The following SEM1 variants were observed in gnomAD, a reference collection of about 807,000 sequenced individuals.
SEM1 encodes the protein 26S proteasome complex subunit SEM1.
SEM1 carries 3 observed loss-of-function variants against 12.7 expected under a neutral mutation model. That is an observed-to-expected ratio of 0.24 (90% CI 0.11 to 0.61). The LOEUF (loss-of-function observed/expected upper bound fraction) is 0.61. Among genes scored for constraint, SEM1 ranks in the 20% least tolerant of loss-of-function variants. The pLI is 0.88. For missense variants in SEM1, 59 were observed against 81.3 expected, an observed-to-expected ratio of 0.73 and a Z score of 1.06; for synonymous variants, 30 against 27.8, an observed-to-expected ratio of 1.08 and a Z score of -0.25.
chr7:96,636,154 A>G (rs932037448), intron 2 of SEM1, among the ~76,000 whole-genome samples: 1 of 152,024 alleles, frequency 6.6e-6, no homozygotes, highest in Non-Finnish European at 1.5e-5. Flanking sequence ...TCAGGTTCCT[A>G]CCATCTGGAA....
intron 2 of SEM1, among the ~76,000 whole-genome samples, chr7:96,517,750 T>C (rs1421559405): frequency 6.6e-6 from 1 of 152,178 alleles, no homozygotes; most frequent in Non-Finnish European, 1.5e-5. Context: ...GTCTGTTAAA[T>C]ATGTGGCATA....
chr7:96,497,164 G>T (rs188909840), upstream of SEM1, among the ~76,000 whole-genome samples: 229 of 151,918 alleles, frequency 1.5e-3, no homozygotes, highest in African/African-American at 4.7e-3. Flanking sequence ...AACTTCATAG[G>T]TTGTTAAATT....
chr7:96,542,024 G>A (rs1175671256), intron 2 of SEM1, among the ~76,000 whole-genome samples: 4 of 143,300 alleles, frequency 2.8e-5, no homozygotes, highest in Non-Finnish European at 6.0e-5. Flanking sequence ...GTTGAGTAAC[G>A]TGATACCTCT....
chr7:96,565,825 A>G (rs1300771704), intron 2 of SEM1, among the ~76,000 whole-genome samples: 1 of 151,956 alleles, frequency 6.6e-6, no homozygotes, highest in Non-Finnish European at 1.5e-5. Flanking sequence ...AACAGTGCAG[A>G]GAATAAAAAT....
Position 96,610,083 on chromosome 7 carries a change from A to G in SEM1, c.170+84715T>C, listed in dbSNP as rs943068642. ...TAGTCTCTCCCCACTGAGGGAAACC[A>G]TAAGTTATAAATTCCAGCAGGTTTT... On this transcript the variant is annotated intron_variant and NMD_transcript_variant, in intron 2 of 3. Transcript: ENST00000466986. Among the ~76,000 whole-genome samples the G allele has an allele frequency of 3.3e-5, 5 of 151,328 alleles. No individual in the cohort carries two copies. In the East Asian group the frequency reaches 7.7e-4, roughly 23 times the overall value.
chr7:96,688,998 A>T, intron 2 of SEM1, 32 bp from the exon 3 acceptor site: 1 of 1,299,304 alleles, frequency 7.7e-7, no homozygotes, highest in Non-Finnish European at 1.1e-6. Context: ...ATCACTAGGT[A>T]TTCTTTATAA....
At chr7:96,486,479 G>T in intron 1 of SEM1, 10 of 1,353,356 alleles carry the variant, frequency 7.4e-6, no homozygotes, top group Non-Finnish European at 1.0e-5. Context: ...TGAGGAGGCG[G>T]GCACCTGTTC....
intron 2 of SEM1, among the ~76,000 whole-genome samples, chr7:96,690,428 A>C (rs1170434353): frequency 6.6e-6 from 1 of 152,170 alleles, no homozygotes; most frequent in African/African-American, 2.4e-5. Flanking sequence ...TATCAGCTAA[A>C]TTCTTAGAAA....
At chr7:96,701,143 G>A (rs998599393) in intron 1 of SEM1, among the ~76,000 whole-genome samples, 2 of 151,964 alleles carry the variant, frequency 1.3e-5, no homozygotes, top group African/African-American at 2.4e-5. Flanking sequence ...TTAGAGGGGA[G>A]AGAAAAAAGG....
At chr7:96,501,542 T>C (rs925174434) in intron 3 of SEM1, among the ~76,000 whole-genome samples, 8 of 152,144 alleles carry the variant, frequency 5.3e-5, no homozygotes, top group Admixed American at 2.6e-4. Flanking sequence ...AGTACATGCC[T>C]TAATGTTAGG....
upstream of SEM1, among the ~76,000 whole-genome samples, chr7:96,497,880 T>A (rs1803354239): frequency 6.6e-6 from 1 of 152,092 alleles, no homozygotes; most frequent in African/African-American, 2.4e-5. Flanking sequence ...CTTCAAACAC[T>A]TATTATATTC....
At chr7:96,619,927 G>T (rs1807837488), downstream of SEM1, among the ~76,000 whole-genome samples, 1 of 152,120 alleles carries the variant, frequency 6.6e-6, no homozygotes, top group Non-Finnish European at 1.5e-5. Context: ...TGGTACCTTC[G>T]TCTTGCAACC....
intron 2 of SEM1, among the ~76,000 whole-genome samples, chr7:96,559,593 T>C (rs893478517): frequency 8.5e-5 from 13 of 152,220 alleles, no homozygotes; most frequent in African/African-American, 3.1e-4. Context: ...TATTAAAACA[T>C]GTTTTGTTTT....
At chr7:96,642,665 C>T (rs1293034655) in intron 2 of SEM1, among the ~76,000 whole-genome samples, 1 of 151,910 alleles carries the variant, frequency 6.6e-6, no homozygotes, top group African/African-American at 2.4e-5. Context: ...TCAGATTCAT[C>T]TACTTGTATA....
chr7:96,670,241 C>T (rs1246361193), downstream of SEM1, among the ~76,000 whole-genome samples: 1 of 152,032 alleles, frequency 6.6e-6, no homozygotes, highest in African/African-American at 2.4e-5. Flanking sequence ...TATTCTAACT[C>T]ATTAAATTAG....
In SEM1 at chr7:96,592,559, C is replaced by T. The variant is rs113404148; in HGVS notation, c.171-85861G>A. 1.3e-4 allele frequency among the ~76,000 whole-genome samples: 20 copies of T among 151,740 alleles called. 1 individual carries two copies. Among genetic ancestry groups the T allele is most frequent in the African/African-American group, 4.3e-4 (18 of 41,384 alleles). ...GCACGGAGAATGCATTTTTCAGCAG[C>T]ACCATGACACCGGCTGTCACGTGCT... On this transcript the variant is annotated intron_variant and NMD_transcript_variant, in intron 2 of 3. Coordinates refer to the SEM1 transcript ENST00000466986.
intron 2 of SEM1, among the ~76,000 whole-genome samples, chr7:96,611,676 T>C (rs1807544589): frequency 6.6e-6 from 1 of 152,182 alleles, no homozygotes; most frequent in Non-Finnish European, 1.5e-5. Flanking sequence ...TTTGAGAATT[T>C]CACTTGTTTA....
chr7:96,641,704 T>G (rs899874256), intron 2 of SEM1, among the ~76,000 whole-genome samples: 1 of 152,082 alleles, frequency 6.6e-6, no homozygotes, highest in Non-Finnish European at 1.5e-5. Context: ...TTTGGTAACA[T>G]AATTTGGAGA....
intron 2 of SEM1, among the ~76,000 whole-genome samples, chr7:96,677,205 C>G (rs1789473206): frequency 6.6e-6 from 1 of 152,148 alleles, no homozygotes. Context: ...AGGCCCAGGA[C>G]AGCTTCTCAG....
Sources: gnomAD v4.1 joint callset for allele counts (sites outside exome capture counted in the v4.1 genomes callset) on GRCh38, gnomAD v4.1.1 for gene constraint, MANE v1.5 for transcripts, NCBI Gene and HGNC (gene_info 2026-07-23, HGNC 2026-07-21) for gene names.